COL11A2: variants seen among roughly 807,000 people sequenced by gnomAD.
COL11A2 encodes the protein collagen alpha-2(XI) chain.
Under a neutral mutation model 273.4 loss-of-function variants are expected in COL11A2, and 116 were observed. That is an observed-to-expected ratio of 0.42 (90% confidence interval 0.36 to 0.49). The LOEUF (loss-of-function observed/expected upper bound fraction) is 0.49. Among genes scored for constraint, COL11A2 ranks in the 20% least tolerant of loss-of-function variants. The probability of loss-of-function intolerance (pLI) is 0.00; values close to 1 mark genes in which losing one functional copy is unlikely to be tolerated. For missense variants in COL11A2, 1,866 were observed against 2,309.0 expected (o/e 0.81, Z 3.93); for synonymous variants, 782 against 864.2 (o/e 0.90, Z 1.67).
chr6:33,186,160 TG>T (rs2150610394), intron 5 of COL11A2, among the ~76,000 whole-genome samples: 1 of 151,562 alleles, frequency 6.6e-6, no homozygotes, highest in African/African-American at 2.4e-5. Flanking sequence ...TCCAGGTAGG[TG>T]GGGGCCAGAG....
intron 54 of COL11A2, among the ~76,000 whole-genome samples, chr6:33,168,247 G>A (rs770138913): frequency 4.6e-5 from 7 of 151,584 alleles, no homozygotes; most frequent in African/African-American, 1.7e-4. Context: ...CCGAGATACC[G>A]CACACCCATC....
rs1200411373 is a variant in COL11A2, at chr6:33,163,502, G to T, written c.*176C>A. On this transcript the variant is annotated 3_prime_UTR_variant, in exon 66 of 66. Transcript: ENST00000341947. This position sits in a 1 kb window ranked among gnomAD's most constrained non-coding sequence, Gnocchi z 4.1. ...GCCCCAGATGCCACTCCTCCCGTGG[G>T]GTGTCCAGGCAACCACTTCACCCCT... 2.3e-6 allele frequency: 2 copies of T among 868,434 alleles called. No homozygotes were observed. The highest frequency in any genetic ancestry group is 3.6e-6 in the Non-Finnish European group (2 of 550,456). 53.8% of individuals were successfully genotyped at this position (868,434 alleles called of 1,614,324 possible).
At chr6:33,175,020 C>A (rs1770699587) in intron 30 of COL11A2, among the ~76,000 whole-genome samples, 2 of 152,174 alleles carry the variant, frequency 1.3e-5, no homozygotes. Flanking sequence ...GCTCATCCTG[C>A]CCAGGCAGCT....
At chr6:33,172,925 C>A in intron 38 of COL11A2, 135 bp downstream of exon 38, 1 of 986,452 alleles carries the variant, frequency 1.0e-6, no homozygotes, top group South Asian at 1.4e-5. Flanking sequence ...GCCTGAAATC[C>A]CAGCCCCCAC....
Position 33,171,655 on chromosome 6 carries a change from T to A in COL11A2, c.3150+58A>T, listed in dbSNP as rs1160878022. On this transcript the variant is annotated intron_variant, in intron 42 of 65. Coordinates refer to ENST00000341947, the MANE Select transcript of COL11A2 (RefSeq NM_080680.3). ...CCCACAGGAAACTTGTCATAGCCCA[T>A]CAACCCTAGGCTCACAGACCCCTCC... The A allele has an allele frequency of 8.8e-6, 14 of 1,597,040 alleles. No individual in the cohort carries two copies. The South Asian group carries it at 1.6e-4, about 18-fold the overall frequency.
chr6:33,171,665 G>A (rs1323358350), intron 42 of COL11A2, 48 bp downstream of exon 42: 2 of 1,599,660 alleles, frequency 1.3e-6, no homozygotes, highest in South Asian at 2.2e-5. Flanking sequence ...TCAACCCTAG[G>A]CTCACAGACC....
At chr6:33,181,709 G>A (rs2855501) in intron 8 of COL11A2, among the ~76,000 whole-genome samples, 96,791 of 151,468 alleles carry the variant, frequency 0.64, 32,491 homozygotes, top group East Asian at 0.93. Flanking sequence ...TGGTCTCAAA[G>A]TCCTGACCTC....
At position 33,167,599 on chromosome 6, in the gene COL11A2, G is replaced by A; in HGVS notation, c.4015-66C>T. 2.5e-6 allele frequency: 4 copies of A among 1,575,914 alleles called. No homozygotes were observed. The South Asian group carries it at 3.4e-5, about 13-fold the overall frequency. Reference sequence around the variant, plus strand: ...GTGGGGTGTGGGCAGGGGGCAGAGGGTCCAAGGTGGGAGGCAGGAGGCAGG... The same window carrying A: ...GTGGGGTGTGGGCAGGGGGCAGAGGATCCAAGGTGGGAGGCAGGAGGCAGG... On this transcript the variant is annotated intron_variant, in intron 55 of 65. Coordinates refer to ENST00000341947, the MANE Select transcript of COL11A2 (RefSeq NM_080680.3). This position sits in a 1 kb window ranked among gnomAD's most constrained non-coding sequence, Gnocchi z 6.1.
In COL11A2 at chr6:33,166,798, C is replaced by T. The variant is rs754334343; in HGVS notation, c.4260G>A (p.Gly1420=). 8 of 1,613,416 alleles carry T rather than the reference C, an allele frequency of 5.0e-6. No individual in the cohort carries two copies. The South Asian group carries it at 8.8e-5, about 18-fold the overall frequency. ...KGHPGLIGLI[G]PPGEQGEKGD... ...CCTTCTCTCCCTGCTCACCCGGGGG[C>T]CCAATCAGTCCAATGAGACCTGGGT... Residue 1420 remains glycine (G), a synonymous_variant, in exon 59 of 66, where the codon GGG becomes GGA. Coordinates refer to ENST00000341947, the MANE Select transcript of COL11A2 (RefSeq NM_080680.3). The surrounding 1 kb of genome is among the most constrained non-coding windows in gnomAD (Gnocchi z 4.8).
upstream of COL11A2, among the ~76,000 whole-genome samples, chr6:33,193,267 C>T (rs1025795581): frequency 6.6e-6 from 1 of 151,884 alleles, no homozygotes; most frequent in Admixed American, 6.6e-5. Context: ...CGGGTCTGCC[C>T]GGAGCCCGCA....
rs574587104 is a variant in COL11A2 at position 33,189,650 on chromosome 6, G to A, written c.83-181C>T. 6.6e-6 allele frequency among the ~76,000 whole-genome samples: 1 copy of A among 152,286 alleles called. No individual in the cohort carries two copies. Among genetic ancestry groups the A allele is most frequent in the East Asian group, 1.9e-4 (1 of 5,188 alleles). On this transcript the variant is annotated intron_variant, in intron 1 of 65. Coordinates refer to ENST00000341947, the MANE Select transcript of COL11A2 (RefSeq NM_080680.3). This position sits in a 1 kb window ranked among gnomAD's most constrained non-coding sequence, Gnocchi z 5.6. ...GATGGGAAATGCAAAGGTACCTGGA[G>A]GCAGGGCAGCATCAGCTGGCATTCA...
rs375324100 is a variant in COL11A2 at position 33,189,655 on chromosome 6, G to C, written c.83-186C>G. 2.5e-4 allele frequency among the ~76,000 whole-genome samples: 38 copies of C among 152,240 alleles called. 1 individual carries two copies. The East Asian group carries it at 4.6e-3, about 19-fold the overall frequency. On this transcript the variant is annotated intron_variant, in intron 1 of 65. Transcript: ENST00000341947. This position sits in a 1 kb window ranked among gnomAD's most constrained non-coding sequence, Gnocchi z 5.6. The stretch of plus-strand genomic sequence containing the variant: ...GAAATGCAAAGGTACCTGGAGGCAG[G>C]GCAGCATCAGCTGGCATTCAACCCC...
chr6:33,188,608 T>C lies in COL11A2; in HGVS notation c.444-84A>G, dbSNP rs978456766. Reference sequence around the variant, plus strand: ...CATGGTTGGAGAGCAGTGATAAGAGTTGAAGCCAATGGTGATAAGAGCAGT... The same window carrying C: ...CATGGTTGGAGAGCAGTGATAAGAGCTGAAGCCAATGGTGATAAGAGCAGT... On this transcript the variant is annotated intron_variant, in intron 3 of 65. Coordinates refer to ENST00000341947, the MANE Select transcript of COL11A2 (RefSeq NM_080680.3). 6 of 1,501,266 alleles carry C rather than the reference T, an allele frequency of 4.0e-6. No homozygotes were observed. In the Admixed American group the frequency reaches 5.0e-5, roughly 13 times the overall value. 93.0% of individuals were successfully genotyped at this position (1,501,266 alleles called of 1,614,324 possible).
In COL11A2 at chr6:33,178,800, C is replaced by G. The variant is rs1771292510; in HGVS notation, c.1666-68G>C. 2 of 1,607,006 alleles carry G rather than the reference C, an allele frequency of 1.2e-6. No homozygotes were observed. The highest frequency in any genetic ancestry group is 1.3e-5 in the African/African-American group (1 of 74,878). ...CCAAGCCCACCCCTCCCTACTGCAC[C>G]CTGAGCTGGGGGGGTGCTGATCCTG... On this transcript the variant is annotated intron_variant, in intron 17 of 65. Transcript: ENST00000341947. This position sits in a 1 kb window ranked among gnomAD's most constrained non-coding sequence, Gnocchi z 4.6.
chr6:33,166,675 C>A lies in COL11A2; in HGVS notation c.4338+45G>T. ...AACTCCAACTCCACCCCTCTCCACC[C>A]CACTCTCAACCCCCACAACTTCCGG... On this transcript the variant is annotated intron_variant, in intron 59 of 65. Coordinates refer to ENST00000341947, the MANE Select transcript of COL11A2 (RefSeq NM_080680.3). This position sits in a 1 kb window ranked among gnomAD's most constrained non-coding sequence, Gnocchi z 4.8. The A allele has an allele frequency of 6.2e-7, 1 of 1,612,524 alleles. No homozygotes were observed. The highest frequency in any genetic ancestry group is 8.5e-7 in the Non-Finnish European group (1 of 1,178,718).
intron 3 of COL11A2, 71 bp downstream of exon 3, chr6:33,188,907 A>T: frequency 6.6e-7 from 1 of 1,525,558 alleles, no homozygotes; most frequent in South Asian, 1.1e-5. Flanking sequence ...CACAGTTTAG[A>T]GTGTAGGGGT....
At chr6:33,184,402 T>G in intron 7 of COL11A2, 78 bp from the exon 8 acceptor site, 2 of 1,034,474 alleles carry the variant, frequency 1.9e-6, no homozygotes, top group Non-Finnish European at 2.7e-6. Flanking sequence ...CCCCAGGGTG[T>G]GACAACTTCT....
Position 33,169,694 on chromosome 6 carries a change from G to T in COL11A2, c.3690+137C>A. Reference sequence around the variant, plus strand: ...AAGGGCTCACTCAGACCAGGGATCAGGCCTCATAGAGGATGGCAGGGAGCA... The same window carrying T: ...AAGGGCTCACTCAGACCAGGGATCATGCCTCATAGAGGATGGCAGGGAGCA... On this transcript the variant is annotated intron_variant, in intron 50 of 65. Transcript: ENST00000341947. The surrounding 1 kb of genome is among the most constrained non-coding windows in gnomAD (Gnocchi z 5.5). 8.3e-7 allele frequency: 1 copy of T among 1,199,098 alleles called. No individual in the cohort carries two copies. The highest frequency in any genetic ancestry group is 1.2e-6 in the Non-Finnish European group (1 of 804,802). 74.3% of individuals were successfully genotyped at this position (1,199,098 alleles called of 1,614,324 possible).
intron 8 of COL11A2, 60 bp downstream of exon 8, chr6:33,184,085 A>T (rs1772058564): frequency 5.2e-6 from 7 of 1,340,230 alleles, no homozygotes; most frequent in Non-Finnish European, 7.0e-6. Flanking sequence ...AACCAACAAG[A>T]AGCAATTCTT....
Sources: gnomAD v4.1 joint callset for allele counts (sites outside exome capture counted in the v4.1 genomes callset) on GRCh38, gnomAD v4.1.1 for gene constraint, Gnocchi (gnomAD v3.1) non-coding constraint, MANE v1.5 for transcripts, NCBI Gene and HGNC (gene_info 2026-07-23, HGNC 2026-07-21) for gene names.